The following MYO16 variants were observed in gnomAD, a reference collection of about 807,000 sequenced individuals.
The protein encoded by MYO16 is unconventional myosin-XVI.
In MYO16, 94 loss-of-function variants were observed where a neutral mutation model predicts 205.3. That is an observed-to-expected ratio of 0.46 (90% CI 0.39 to 0.54). MYO16 has a LOEUF of 0.54. Ranked by LOEUF, MYO16 falls within the 20% of genes least tolerant of loss-of-function variation. The probability of loss-of-function intolerance (pLI) is 0.00; values close to 1 mark genes in which losing one functional copy is unlikely to be tolerated. For synonymous variants in MYO16, 988 were observed against 954.0 expected (o/e 1.04, Z -0.66); for missense variants, 2,315 against 2,387.5 (o/e 0.97, Z 0.63).
At chr13:109,184,603 GTT>G (rs1566553407) in intron 34 of MYO16, among the ~76,000 whole-genome samples, 11 of 122,350 alleles carry the variant, frequency 9.0e-5, no homozygotes, top group Admixed American at 1.7e-4. Flanking sequence ...GTTTTTTTTT[GTT>G]TGTGTGTGTG....
At chr13:108,551,753 C>G in the MYO16 span, among the ~76,000 whole-genome samples, 2 of 152,142 alleles carry the variant, frequency 1.3e-5, no homozygotes, top group African/African-American at 4.8e-5. Context: ...CAACTTGTCT[C>G]TTATCACTTC....
At chr13:108,603,207 G>C (rs544559547) in intron 1 of MYO16, among the ~76,000 whole-genome samples, 1 of 152,256 alleles carries the variant, frequency 6.6e-6, no homozygotes, top group Non-Finnish European at 1.5e-5. Context: ...GAGATGAAGA[G>C]ACAGAGGGAA....
chr13:108,739,528 C>T (rs1025790822), intron 4 of MYO16, among the ~76,000 whole-genome samples: 10 of 152,204 alleles, frequency 6.6e-5, no homozygotes, highest in African/African-American at 2.4e-4. Flanking sequence ...ATAGGCTTCC[C>T]TTTGTGAGTA....
chr13:109,125,118 G>A lies in MYO16; in HGVS notation c.3542G>A (p.Arg1181Lys), dbSNP rs567225624. Residue 1181 changes from arginine (R) to lysine (K), a missense_variant, in exon 30 of 35, where the codon AGA (arginine) becomes AAA (lysine). This residue lies in a region of MYO16 where 1,097 missense variants were observed against 1,092.0 expected (regional missense o/e 1.00). Coordinates refer to ENST00000457511, the MANE Select transcript of MYO16 (RefSeq NM_001198950.3). This position sits in a 1 kb window ranked among gnomAD's most constrained non-coding sequence, Gnocchi z 4.0. ...CATGATCCTTCTATAAAAGTTATCA[G>A]AGGATTTTTAGCACGCCAGCACCTG... ...RKIITCQKVI[R>K]GFLARQHLLQ... The A allele has an allele frequency of 7.4e-6, 12 of 1,614,010 alleles. No homozygotes were observed. In the South Asian group the frequency reaches 1.3e-4, roughly 18 times the overall value.
At chr13:108,943,880 C>T (rs1311083327) in intron 16 of MYO16, among the ~76,000 whole-genome samples, 5 of 152,224 alleles carry the variant, frequency 3.3e-5, no homozygotes, top group Non-Finnish European at 5.9e-5. Context: ...CCACCGCCAC[C>T]GGCTTTGTTT....
intron 27 of MYO16, among the ~76,000 whole-genome samples, chr13:109,096,309 G>A (rs1302808055): frequency 2.6e-5 from 4 of 152,148 alleles, no homozygotes; most frequent in African/African-American, 9.7e-5. Flanking sequence ...CCTGCATCAC[G>A]TGGCCCTCTG....
chr13:108,697,750 C>T (rs1883144629), intron 2 of MYO16, among the ~76,000 whole-genome samples: 1 of 151,704 alleles, frequency 6.6e-6, no homozygotes, highest in African/African-American at 2.4e-5. Flanking sequence ...TGAGACAGAA[C>T]CTCACTTTGT....
rs1287855251 is a variant in MYO16 at position 109,207,360 on chromosome 13, G to T, written c.*524G>T. On this transcript the variant is annotated 3_prime_UTR_variant, in exon 35 of 35. Coordinates refer to ENST00000457511, the MANE Select transcript of MYO16 (RefSeq NM_001198950.3). ...GTAATTTTATAAATTTATGCAATTG[G>T]TGGTGCTTCCTTTCTTCAAAATACA... is the stretch of plus-strand genomic sequence containing the variant. 6.6e-6 allele frequency: 1 copy of T among 151,986 alleles called. No homozygotes were observed. The highest frequency in any genetic ancestry group is 1.5e-5 in the Non-Finnish European group (1 of 68,026). 9.4% of individuals were successfully genotyped at this position (151,986 alleles called of 1,614,324 possible).
chr13:109,093,978 T>C (rs1186348553), intron 27 of MYO16, among the ~76,000 whole-genome samples: 3 of 152,020 alleles, frequency 2.0e-5, no homozygotes, highest in African/African-American at 7.2e-5. Flanking sequence ...CCTTACCCCA[T>C]TGCACTAACC....
At chr13:108,817,526 C>CT (rs36046061) in intron 7 of MYO16, among the ~76,000 whole-genome samples, 3 of 152,078 alleles carry the variant, frequency 2.0e-5, no homozygotes, top group African/African-American at 7.3e-5. Flanking sequence ...CACAGTGGGA[C>CT]GGGGGGAACT....
Position 109,206,988 on chromosome 13 carries a change from G to A in MYO16, c.*152G>A, listed in dbSNP as rs1296861191. The A allele has an allele frequency of 6.0e-5, 24 of 398,702 alleles. No individual in the cohort carries two copies. Among genetic ancestry groups the A allele is most frequent in the East Asian group, 4.2e-4 (8 of 18,938 alleles). The allele number at this position is 398,702 out of a possible 1,614,324, so 24.7% of individuals were successfully genotyped here. ...ACAGACACTAAATATATGAGATCCC[G>A]TGTGTGTGTGTGTGTGTTTGTGTGT... On this transcript the variant is annotated 3_prime_UTR_variant, in exon 35 of 35. Transcript: ENST00000457511.
At chr13:108,945,388 G>A (rs1882897914) in intron 16 of MYO16, among the ~76,000 whole-genome samples, 1 of 152,112 alleles carries the variant, frequency 6.6e-6, no homozygotes, top group Non-Finnish European at 1.5e-5. Context: ...TTCATTATTT[G>A]AACTTTGTTA....
Position 108,855,568 on chromosome 13 carries a change from A to G in MYO16, c.1359+15A>G. 2.0e-6 allele frequency: 3 copies of G among 1,507,952 alleles called. No homozygotes were observed. The allele number at this position is 1,507,952 out of a possible 1,614,324, so 93.4% of individuals were successfully genotyped here. A position where few individuals can be genotyped will look rare whatever the true frequency, so the allele number is the denominator to read the frequency against. ...ATCAGATCTATGTGAGTGCCCTGGAAATTGCCTTTTGCACTGTTTTTCTCT... is the reference window on the plus strand; with the variant it reads ...ATCAGATCTATGTGAGTGCCCTGGAGATTGCCTTTTGCACTGTTTTTCTCT... On this transcript the variant is annotated intron_variant, in intron 11 of 34. Coordinates refer to ENST00000457511, the MANE Select transcript of MYO16 (RefSeq NM_001198950.3).
At chr13:109,148,689 G>T (rs375897044) in intron 32 of MYO16, among the ~76,000 whole-genome samples, 11 of 152,138 alleles carry the variant, frequency 7.2e-5, no homozygotes, top group Admixed American at 7.2e-4. Context: ...AAGCTTTATC[G>T]GATCCTCCCA....
Position 108,866,222 on chromosome 13 carries a change from C to G in MYO16, c.1405C>G (p.Leu469Val). The change falls in exon 12 of 35, where the codon CTT (leucine) becomes GTT (valine). Residue 469 changes from leucine (L) to valine (V), a missense_variant. Leu to Val is a conservative substitution (Grantham distance 32). Coordinates refer to ENST00000457511, the MANE Select transcript of MYO16 (RefSeq NM_001198950.3). ...ILLLVNPYKE[L>V]PIYSSMVSQL... Reference sequence around the variant, plus strand: ...TTTGCTTGTTAACCCATACAAGGAGCTTCCAATTTATTCTTCCATGGTGAG... The same window carrying G: ...TTTGCTTGTTAACCCATACAAGGAGGTTCCAATTTATTCTTCCATGGTGAG... The G allele has an allele frequency of 1.2e-6, 2 of 1,600,412 alleles. No individual in the cohort carries two copies. Among genetic ancestry groups the G allele is most frequent in the Non-Finnish European group, 1.7e-6 (2 of 1,171,382 alleles).
At chr13:108,729,119 T>A (rs1454505586) in intron 4 of MYO16, among the ~76,000 whole-genome samples, 1 of 152,048 alleles carries the variant, frequency 6.6e-6, no homozygotes, top group Non-Finnish European at 1.5e-5. Flanking sequence ...TTTAGAGGGC[T>A]AGTACTGTAT....
chr13:108,983,699 C>T (rs1314797308), intron 20 of MYO16, among the ~76,000 whole-genome samples: 2 of 152,166 alleles, frequency 1.3e-5, no homozygotes. Flanking sequence ...TGTTGCTCTC[C>T]AAATAGACTA....
intron 20 of MYO16, among the ~76,000 whole-genome samples, chr13:108,977,664 T>A (rs1341331005): frequency 6.6e-6 from 1 of 152,326 alleles, no homozygotes; most frequent in East Asian, 1.9e-4. Context: ...GTTTAATTTT[T>A]AGTTGAATAT....
chr13:108,503,966 ATTAT>A, the MYO16 span, among the ~76,000 whole-genome samples: 1 of 124,328 alleles, frequency 8.0e-6, no homozygotes, highest in Non-Finnish European at 1.9e-5. Flanking sequence ...AGGTTTTATT[ATTAT>A]TTTTTTTGCC....
Sources: gnomAD v4.1 joint callset for allele counts (sites outside exome capture counted in the v4.1 genomes callset) on GRCh38, gnomAD v4.1.1 for gene constraint, gnomAD v4.1.1 regional missense constraint, Gnocchi (gnomAD v3.1) non-coding constraint, MANE v1.5 for transcripts, NCBI Gene and HGNC (gene_info 2026-07-23, HGNC 2026-07-21) for gene names.